The following ZNF571 variants were observed in gnomAD, a reference collection of about 807,000 sequenced individuals.
The protein encoded by ZNF571 is zinc finger protein 571.
ZNF571 carries 4 observed loss-of-function variants against 7.7 expected under a neutral mutation model. That is an observed-to-expected ratio of 0.52 (90% CI 0.25 to 1.18). The LOEUF (loss-of-function observed/expected upper bound fraction) is 1.18. ZNF571 is among the 50% of genes most tolerant of loss of function. The pLI, the probability that ZNF571 is intolerant of heterozygous loss-of-function variation, is 0.14. For synonymous variants in ZNF571, 251 were observed against 232.4 expected (o/e 1.08, Z -0.73); for missense variants, 704 against 726.9 (o/e 0.97, Z 0.36).
chr19:37,587,870 G>A (rs57654288), intron 1 of ZNF571, among the ~76,000 whole-genome samples: 51,080 of 151,662 alleles, frequency 0.34, 8,997 homozygotes, highest in Non-Finnish European at 0.37. Flanking sequence ...TGTAGTCCCA[G>A]GGAGGCCGAG....
At chr19:37,573,832 C>CAA (rs753161725) in intron 3 of ZNF571, among the ~76,000 whole-genome samples, 2 of 117,784 alleles carry the variant, frequency 1.7e-5, no homozygotes, top group Non-Finnish European at 3.7e-5. Context: ...GATCCTGTTT[C>CAA]AAAAAAAAAA....
chr19:37,589,332 A>C (rs1368686924), intron 1 of ZNF571, among the ~76,000 whole-genome samples: 2 of 152,152 alleles, frequency 1.3e-5, no homozygotes, highest in Non-Finnish European at 2.9e-5. Flanking sequence ...AAATTGCCTA[A>C]AAGAATACAC....
rs1300653963 is a variant in ZNF571, at chr19:37,586,755, G to A, written c.-69-10C>T. ...TCCAGAGAAGCCAGTGCTGGACAAG[G>A]AAAAGAAGCCACAAGATTAGACTTG... On this transcript the variant is annotated splice_polypyrimidine_tract_variant and intron_variant, in intron 1 of 3. Coordinates refer to ENST00000451802, the MANE Select transcript of ZNF571 (RefSeq NM_016536.5). 4.6e-6 allele frequency: 7 copies of A among 1,511,178 alleles called. No individual in the cohort carries two copies. The African/African-American group carries it at 5.6e-5, about 12-fold the overall frequency. 93.6% of individuals were successfully genotyped at this position (1,511,178 alleles called of 1,614,324 possible).
intron 1 of ZNF571, among the ~76,000 whole-genome samples, chr19:37,593,851 G>A (rs1410305776): frequency 6.6e-6 from 1 of 152,168 alleles, no homozygotes; most frequent in African/African-American, 2.4e-5. Flanking sequence ...CTAAGGACCA[G>A]TCACTAGCAT....
chr19:37,590,853 T>C (rs566378411), intron 1 of ZNF571, among the ~76,000 whole-genome samples: 1 of 152,292 alleles, frequency 6.6e-6, no homozygotes, highest in African/African-American at 2.4e-5. Context: ...ACCTTAAATA[T>C]AGCAAAACAT....
chr19:37,575,120 G>C (rs144266599), intron 3 of ZNF571, among the ~76,000 whole-genome samples: 1 of 152,176 alleles, frequency 6.6e-6, no homozygotes, highest in Non-Finnish European at 1.5e-5. Context: ...TGAAGCTGAT[G>C]TTCCACTTAA....
chr19:37,575,203 A>G (rs1348728592), intron 3 of ZNF571, among the ~76,000 whole-genome samples: 1 of 152,184 alleles, frequency 6.6e-6, no homozygotes, highest in Non-Finnish European at 1.5e-5. Context: ...AATAAAATCT[A>G]ACTACTTTAT....
chr19:37,564,450 T>A lies in ZNF571; in HGVS notation c.*148A>T. 1.7e-6 allele frequency: 1 copy of A among 581,126 alleles called. No individual in the cohort carries two copies. 36.0% of individuals were successfully genotyped at this position (581,126 alleles called of 1,614,324 possible). On this transcript the variant is annotated 3_prime_UTR_variant, in exon 4 of 4. Coordinates refer to ENST00000451802, the MANE Select transcript of ZNF571 (RefSeq NM_016536.5). ...TTTATAGAGATGTTAAGGAATTATTTAAGGGGTTTCTGAAATTATTCTGCA... is the reference window on the plus strand; with the variant it reads ...TTTATAGAGATGTTAAGGAATTATTAAAGGGGTTTCTGAAATTATTCTGCA...
chr19:37,582,720 A>C (rs930116016), intron 3 of ZNF571, among the ~76,000 whole-genome samples: 1 of 152,176 alleles, frequency 6.6e-6, no homozygotes, highest in Admixed American at 6.5e-5. Context: ...GCCAATCTTC[A>C]AAATAACTCC....
intron 1 of ZNF571, among the ~76,000 whole-genome samples, chr19:37,590,693 T>C (rs893309145): frequency 6.6e-6 from 1 of 152,136 alleles, no homozygotes; most frequent in Non-Finnish European, 1.5e-5. Flanking sequence ...GGTAAATATG[T>C]AAGGACATAG....
intron 3 of ZNF571, among the ~76,000 whole-genome samples, chr19:37,571,951 T>G (rs2043069791): frequency 6.6e-6 from 1 of 152,248 alleles, no homozygotes; most frequent in Non-Finnish European, 1.5e-5. Context: ...AATGGAGAAT[T>G]ATTTTAAATT....
chr19:37,591,890 T>TTA (rs1419907022), intron 1 of ZNF571, among the ~76,000 whole-genome samples: 1 of 152,180 alleles, frequency 6.6e-6, no homozygotes, highest in Non-Finnish European at 1.5e-5. Context: ...AAAAAAGTTC[T>TTA]TATATATAGA....
intron 3 of ZNF571, among the ~76,000 whole-genome samples, chr19:37,572,413 T>C (rs1485367575): frequency 1.3e-5 from 2 of 152,242 alleles, no homozygotes; most frequent in Non-Finnish European, 2.9e-5. Context: ...TCCTACTCCA[T>C]CTTGCTCAAG....
At chr19:37,574,232 G>T (rs138293830) in intron 3 of ZNF571, among the ~76,000 whole-genome samples, 1 of 152,062 alleles carries the variant, frequency 6.6e-6, no homozygotes, top group South Asian at 2.1e-4. Context: ...TATTAAAACC[G>T]CAACGTATGC....
Position 37,588,099 on chromosome 19 carries a change from C to CAAAAAAA in ZNF571, c.-69-1361_-69-1355dup, listed in dbSNP as rs58516591. Among the ~76,000 whole-genome samples the CAAAAAAA allele has an allele frequency of 6.3e-4, 29 of 45,748 alleles. 1 individual carries two copies. Among genetic ancestry groups the CAAAAAAA allele is most frequent in the Non-Finnish European group, 8.8e-4 (23 of 26,244 alleles). 30.0% of individuals were successfully genotyped at this position (45,748 alleles called of 152,430 possible). On this transcript the variant is annotated intron_variant, in intron 1 of 3. Transcript: ENST00000451802. ...TGGGTGACAGAGCGAGACTCCATCTCAAAAAAAAAAAAAAAAAAAAAAAAA... is the reference window on the plus strand; with the variant it reads ...TGGGTGACAGAGCGAGACTCCATCTCAAAAAAAAAAAAAAAAAAAAAAAAAAAAAAAA...
chr19:37,568,773 A>G (rs896446704), intron 3 of ZNF571, among the ~76,000 whole-genome samples: 2 of 152,178 alleles, frequency 1.3e-5, no homozygotes, highest in Non-Finnish European at 2.9e-5. Context: ...ATATGGTGAA[A>G]AAAGGGAAAA....
At position 37,564,607 on chromosome 19, in the gene ZNF571, A is replaced by G; in HGVS notation, c.1821T>C (p.Leu607=). 1 of 1,507,722 alleles carries G rather than the reference A, an allele frequency of 6.6e-7. No individual in the cohort carries two copies. Among genetic ancestry groups the G allele is most frequent in the Non-Finnish European group, 8.9e-7 (1 of 1,128,344 alleles). The allele number at this position is 1,507,722 out of a possible 1,614,324, so 93.4% of individuals were successfully genotyped here. ...CACATTCAAGGCTTTCTCAATTATGAAGCCTTGTATGTTGAGTAAGTTGTG... is the reference window on the plus strand; with the variant it reads ...CACATTCAAGGCTTTCTCAATTATGGAGCCTTGTATGTTGAGTAAGTTGTG... ...CPSQLTQHTR[L]HN The change falls in exon 4 of 4, where the codon CTT becomes CTC. Residue 607 remains leucine (L), a synonymous_variant. Coordinates refer to ENST00000451802, the MANE Select transcript of ZNF571 (RefSeq NM_016536.5).
At chr19:37,571,744 G>A (rs914870255) in intron 3 of ZNF571, among the ~76,000 whole-genome samples, 1 of 152,116 alleles carries the variant, frequency 6.6e-6, no homozygotes, top group African/African-American at 2.4e-5. Context: ...CTACTAGCTC[G>A]CAGACTACAG....
intron 3 of ZNF571, among the ~76,000 whole-genome samples, chr19:37,568,499 A>G (rs1344863047): frequency 6.9e-6 from 1 of 145,836 alleles, no homozygotes; most frequent in African/African-American, 2.8e-5. Flanking sequence ...AAGGAATCAA[A>G]TAAATTCAGT....
Sources: gnomAD v4.1 joint callset for allele counts (sites outside exome capture counted in the v4.1 genomes callset) on GRCh38, gnomAD v4.1.1 for gene constraint, MANE v1.5 for transcripts, NCBI Gene and HGNC (gene_info 2026-07-23, HGNC 2026-07-21) for gene names.